Variants in TENM1 observed in about 807,000 individuals in gnomAD.
TENM1 encodes teneurin transmembrane protein 1, also known as teneurin-1.
Under a neutral mutation model 174.8 loss-of-function variants are expected in TENM1, and 35 were observed. That is an observed-to-expected ratio of 0.20 (90% CI 0.15 to 0.27). The LOEUF (loss-of-function observed/expected upper bound fraction) is 0.27. Among genes scored for constraint, TENM1 ranks in the 10% least tolerant of loss-of-function variants. The pLI, the probability that TENM1 is intolerant of heterozygous loss-of-function variation, is 1.00. For synonymous variants in TENM1, 781 were observed against 798.7 expected, an observed-to-expected ratio of 0.98 and a Z score of 0.37; for missense variants, 1,633 against 2,130.1, an observed-to-expected ratio of 0.77 and a Z score of 4.59.
chrX:125,181,652 T>C, the TENM1 span, among the ~76,000 whole-genome samples: 1 of 111,548 alleles, frequency 9.0e-6, no homozygotes, highest in Non-Finnish European at 1.9e-5. Flanking sequence ...TAGGTATCAA[T>C]GTGGAGGGAT....
At chrX:124,798,028 A>G (rs1185022875) in intron 3 of TENM1, among the ~76,000 whole-genome samples, 1 of 111,463 alleles carries the variant, frequency 9.0e-6, no homozygotes, top group African/African-American at 3.3e-5. Context: ...ACATGATCTC[A>G]TTCCTTTTTA....
chrX:125,142,278 T>C, the TENM1 span, among the ~76,000 whole-genome samples: 27 of 111,818 alleles, frequency 2.4e-4, no homozygotes, highest in African/African-American at 3.9e-4. Flanking sequence ...TTTCCCTAGA[T>C]AGCTGACACC....
At chrX:124,563,721 G>A in intron 13 of TENM1, 28 bp downstream of exon 16, 1 of 1,145,355 alleles carries the variant, frequency 8.7e-7, no homozygotes, top group Non-Finnish European at 1.2e-6. Context: ...ATATATTTCT[G>A]TTATAAAATT....
chrX:124,761,738 T>G (rs1379403717), intron 3 of TENM1, among the ~76,000 whole-genome samples: 1 of 111,498 alleles, frequency 9.0e-6, no homozygotes, highest in Non-Finnish European at 1.9e-5. Flanking sequence ...TTTCCATTGT[T>G]TTGTAGCATG....
chrX:125,053,318 T>TC, the TENM1 span, among the ~76,000 whole-genome samples: 1 of 111,472 alleles, frequency 9.0e-6, no homozygotes, highest in Non-Finnish European at 1.9e-5. Context: ...TGTATTTGAA[T>TC]CCCATCTCTG....
At chrX:125,063,689 T>C in the TENM1 span, among the ~76,000 whole-genome samples, 1 of 111,385 alleles carries the variant, frequency 9.0e-6, no homozygotes, top group Non-Finnish European at 1.9e-5. Context: ...TGTGGAGAAA[T>C]AGGAACTTTT....
At position 124,947,628 on chromosome X, in the gene TENM1, C is replaced by T. The variant is rs182793724; in HGVS notation, c.217+15909G>A. Reference sequence around the variant, plus strand: ...ATGGGTAAGCACGAGGATTTACTTGCTGAAGTATAATGGTTTACAAGGTCC... The same window carrying T: ...ATGGGTAAGCACGAGGATTTACTTGTTGAAGTATAATGGTTTACAAGGTCC... On this transcript the variant is annotated intron_variant, in intron 1 of 31. Transcript: ENST00000422452. Among the ~76,000 whole-genome samples the T allele has an allele frequency of 9.8e-5, 11 of 112,107 alleles. No individual in the cohort carries two copies. In the East Asian group the frequency reaches 3.1e-3, roughly 31 times the overall value.
At chrX:124,691,415 A>C (rs2052518658) in intron 5 of TENM1, among the ~76,000 whole-genome samples, 1 of 112,287 alleles carries the variant, frequency 8.9e-6, no homozygotes, top group African/African-American at 3.2e-5. Flanking sequence ...TTAAGAGAAA[A>C]ACAAAAGAAA....
the TENM1 span, among the ~76,000 whole-genome samples, chrX:125,123,542 G>A: frequency 9.0e-6 from 1 of 111,595 alleles, no homozygotes; most frequent in Non-Finnish European, 1.9e-5. Context: ...CCATGAGGTC[G>A]AGGCTGCAGT....
At chrX:124,650,021 G>A (rs2148391847) in intron 8 of TENM1, among the ~76,000 whole-genome samples, 1 of 108,849 alleles carries the variant, frequency 9.2e-6, no homozygotes, top group South Asian at 4.1e-4. Context: ...GGCCAACATG[G>A]TGAAACCCCG....
intron 3 of TENM1, among the ~76,000 whole-genome samples, chrX:124,765,087 A>G: frequency 9.0e-6 from 1 of 111,583 alleles, no homozygotes. Flanking sequence ...TATGCCCCCA[A>G]TACCTCCTAA....
chrX:125,141,187 A>G, the TENM1 span, among the ~76,000 whole-genome samples: 25 of 111,847 alleles, frequency 2.2e-4, no homozygotes, highest in African/African-American at 8.1e-4. Flanking sequence ...TATGCCCACA[A>G]GACATTAAAC....
At chrX:124,872,265 A>G (rs1215014644) in intron 3 of TENM1, among the ~76,000 whole-genome samples, 2 of 111,447 alleles carry the variant, frequency 1.8e-5, no homozygotes, top group African/African-American at 6.5e-5. Context: ...ATGTGGTATA[A>G]GGAAAATTCT....
chrX:125,202,157 T>G, the TENM1 span, among the ~76,000 whole-genome samples: 1 of 111,983 alleles, frequency 8.9e-6, no homozygotes, highest in African/African-American at 3.2e-5. Context: ...ACTGGGCTAT[T>G]TCAGCCAAAA....
At chrX:124,716,349 G>A (rs138957886) in intron 4 of TENM1, among the ~76,000 whole-genome samples, 228 of 111,897 alleles carry the variant, frequency 2.0e-3, no homozygotes, top group African/African-American at 7.1e-3. Flanking sequence ...GTGGTCCTGC[G>A]ACTGAGTTCT....
At chrX:124,687,297 A>G (rs1482768168) in intron 5 of TENM1, among the ~76,000 whole-genome samples, 4 of 111,734 alleles carry the variant, frequency 3.6e-5, no homozygotes, top group Non-Finnish European at 7.5e-5. Flanking sequence ...CAACCATCTG[A>G]TCTTCGACAA....
At chrX:124,896,328 C>T in intron 1 of TENM1, 87 bp from the exon 5 acceptor site, 1 of 983,440 alleles carries the variant, frequency 1.0e-6, no homozygotes, top group Non-Finnish European at 1.4e-6. Context: ...ATTCCCCTCT[C>T]CCCCATTGGT....
the TENM1 span, among the ~76,000 whole-genome samples, chrX:125,175,314 G>A: frequency 9.0e-6 from 1 of 111,452 alleles, no homozygotes; most frequent in South Asian, 3.7e-4. Context: ...TGAGGCAGAA[G>A]AGAAGATTCT....
At chrX:124,805,376 T>C (rs952616488) in intron 3 of TENM1, among the ~76,000 whole-genome samples, 2 of 112,316 alleles carry the variant, frequency 1.8e-5, no homozygotes, top group East Asian at 2.8e-4. Flanking sequence ...AGTTCTAACC[T>C]TGAGAGCCTG....
Sources: gnomAD v4.1 joint callset for allele counts (sites outside exome capture counted in the v4.1 genomes callset) on GRCh38, gnomAD v4.1.1 for gene constraint, MANE v1.5 for transcripts, NCBI Gene and HGNC (gene_info 2026-07-23, HGNC 2026-07-21) for gene names.